ME3: variants seen among roughly 807,000 people sequenced by gnomAD.
The protein encoded by ME3 is malic enzyme 3.
In ME3, 48 loss-of-function variants were observed where a neutral mutation model predicts 68.9. The ratio of observed to expected loss-of-function variants is 0.70; its 90% CI spans 0.55 to 0.89. The LOEUF (loss-of-function observed/expected upper bound fraction) is 0.89, where lower values mean the gene tolerates loss of function less well. Among genes scored for constraint, ME3 ranks in the 40% least tolerant of loss-of-function variants. The probability of loss-of-function intolerance (pLI) is 0.00; values close to 1 mark genes in which losing one functional copy is unlikely to be tolerated. For synonymous variants in ME3, 320 were observed against 318.8 expected, an observed-to-expected ratio of 1.00 and a Z score of -0.04; for missense variants, 675 against 797.4, an observed-to-expected ratio of 0.85 and a Z score of 1.85.
At chr11:86,536,454 C>G (rs568394918) in intron 4 of ME3, among the ~76,000 whole-genome samples, 1 of 125,992 alleles carries the variant, frequency 7.9e-6, no homozygotes, top group South Asian at 3.1e-4. Context: ...AAACAAACAA[C>G]CCCATCAAAA....
In ME3 at chr11:86,643,334, T is replaced by G. The variant is rs552619441; in HGVS notation, c.183+28428A>C. Among the ~76,000 whole-genome samples the G allele has an allele frequency of 3.3e-5, 5 of 152,112 alleles. No homozygotes were observed. In the East Asian group the frequency reaches 5.8e-4, roughly 18 times the overall value. On this transcript the variant is annotated intron_variant, in intron 2 of 14. Coordinates refer to ENST00000543262, the Ensembl canonical transcript of ME3. ...GCCCCCTACCCATGACTTTCCCTCC[T>G]GCCCCATCCTTCCACACACTCTGTC...
Position 86,442,507 on chromosome 11 carries a change from C to A in ME3, c.1653+314G>T, listed in dbSNP as rs1949055160. On this transcript the variant is annotated intron_variant, in intron 14 of 14. Transcript: ENST00000543262. ...TTTTCCGTGATGCTATGCAAGCTGA[C>A]CTTTCTTATAAATGGGCGCTTATGA... Among the ~76,000 whole-genome samples the A allele has an allele frequency of 2.0e-5, 3 of 152,140 alleles. No individual in the cohort carries two copies. The South Asian group carries it at 6.2e-4, about 32-fold the overall frequency.
In ME3 at chr11:86,544,031, T is replaced by C. The variant is rs1456673565; in HGVS notation, c.467+12522A>G. ...CAAAACTGCACAACTACATGTAAAC[T>C]GAACAAACTACTCCTGAATGACTAC... On this transcript the variant is annotated intron_variant, in intron 4 of 14. Transcript: ENST00000543262. Among the ~76,000 whole-genome samples the C allele has an allele frequency of 4.7e-5, 7 of 149,562 alleles. No individual in the cohort carries two copies. The East Asian group carries it at 1.4e-3, about 29-fold the overall frequency.
intron 8 of ME3, among the ~76,000 whole-genome samples, chr11:86,461,656 C>T (rs923352971): frequency 2.0e-5 from 3 of 152,110 alleles, no homozygotes; most frequent in Non-Finnish European, 4.4e-5. Context: ...GGTGGGATGG[C>T]GAGGTGGCTC....
At chr11:86,459,440 C>T (rs1169431557) in intron 8 of ME3, among the ~76,000 whole-genome samples, 1 of 152,134 alleles carries the variant, frequency 6.6e-6, no homozygotes, top group Admixed American at 6.5e-5. Context: ...TAATAGGTAC[C>T]ATGAACTGAG....
rs201763747 is a variant in ME3 at position 86,559,806 on chromosome 11, A to C, written c.201T>G (p.Leu67=). ...GGATTCCAAGCTGCAGCCTTTCTTC[A>C]AGGGTAAAGGCCATCCCCTGGGAAA... The change falls in exon 3 of 15, where the codon CTT becomes CTG. Residue 67 remains leucine (L), a synonymous_variant. Transcript: ENST00000543262. 4 of 1,613,904 alleles carry C rather than the reference A, an allele frequency of 2.5e-6. No individual in the cohort carries two copies. The Admixed American group carries it at 6.7e-5, about 27-fold the overall frequency.
intron 2 of ME3, among the ~76,000 whole-genome samples, chr11:86,640,403 T>C (rs17149238): frequency 0.095 from 14,393 of 152,256 alleles, 701 homozygotes; most frequent in South Asian, 0.13. Flanking sequence ...AAGCTGTAGC[T>C]GCACAGGGTG....
intron 4 of ME3, among the ~76,000 whole-genome samples, chr11:86,528,629 A>G (rs1334921917): frequency 6.6e-6 from 1 of 152,150 alleles, no homozygotes; most frequent in Non-Finnish European, 1.5e-5. Context: ...CAGCAAATGT[A>G]AAAGAACAGA....
intron 4 of ME3, among the ~76,000 whole-genome samples, chr11:86,526,434 C>G (rs1954751313): frequency 6.6e-6 from 1 of 152,202 alleles, no homozygotes; most frequent in African/African-American, 2.4e-5. Context: ...TAGACTCCAC[C>G]TCTCGGGGCA....
At chr11:86,566,671 G>T (rs1427611353) in intron 2 of ME3, among the ~76,000 whole-genome samples, 1 of 152,128 alleles carries the variant, frequency 6.6e-6, no homozygotes, top group Non-Finnish European at 1.5e-5. Context: ...AGCAAGAGAG[G>T]TTACATAATG....
chr11:86,636,103 C>G (rs541646730), intron 2 of ME3, among the ~76,000 whole-genome samples: 7 of 152,202 alleles, frequency 4.6e-5, no homozygotes, highest in African/African-American at 1.7e-4. Flanking sequence ...GCTATGGAAG[C>G]CTGAAGCTTC....
intron 4 of ME3, among the ~76,000 whole-genome samples, chr11:86,544,875 A>G (rs113583417): frequency 1.3e-4 from 20 of 152,338 alleles, no homozygotes; most frequent in African/African-American, 4.8e-4. Flanking sequence ...TTTCAGGCCA[A>G]TATCCCTGAT....
intron 2 of ME3, among the ~76,000 whole-genome samples, chr11:86,587,361 G>T (rs947080448): frequency 6.6e-6 from 1 of 152,222 alleles, no homozygotes; most frequent in African/African-American, 2.4e-5. Context: ...GTCAAGGAGA[G>T]CTTTGGTTTC....
chr11:86,549,580 G>T (rs1412361000), intron 4 of ME3, among the ~76,000 whole-genome samples: 2 of 152,168 alleles, frequency 1.3e-5, no homozygotes, highest in African/African-American at 4.8e-5. Context: ...CCGGCCACAC[G>T]GGGTACACGG....
At chr11:86,603,923 A>C (rs56169211) in intron 2 of ME3, among the ~76,000 whole-genome samples, 9 of 121,322 alleles carry the variant, frequency 7.4e-5, no homozygotes, top group Non-Finnish European at 9.9e-5. Flanking sequence ...GGAAGGGGAA[A>C]ATCACACTCT....
chr11:86,626,343 G>A (rs1444330754), intron 2 of ME3, among the ~76,000 whole-genome samples: 2 of 152,158 alleles, frequency 1.3e-5, no homozygotes, highest in African/African-American at 2.4e-5. Flanking sequence ...TGGCACCCAG[G>A]GAATGCTTCT....
intron 8 of ME3, among the ~76,000 whole-genome samples, chr11:86,455,644 C>A (rs1401637823): frequency 3.9e-5 from 6 of 152,204 alleles, no homozygotes; most frequent in African/African-American, 1.4e-4. Context: ...ATTTCCCCTG[C>A]TATTCTACCT....
At chr11:86,534,079 GTGTA>G (rs1305257496) in intron 4 of ME3, among the ~76,000 whole-genome samples, 2 of 12,924 alleles carry the variant, frequency 1.5e-4, no homozygotes, top group African/African-American at 6.0e-4. Flanking sequence ...GTGTGTGTGT[GTGTA>G]TATATATATA....
At chr11:86,629,550 C>T (rs1156688582) in intron 2 of ME3, among the ~76,000 whole-genome samples, 1 of 152,162 alleles carries the variant, frequency 6.6e-6, no homozygotes, top group South Asian at 2.1e-4. Context: ...GCCTGAGACA[C>T]TGTATGAAGA....
Sources: gnomAD v4.1 joint callset for allele counts (sites outside exome capture counted in the v4.1 genomes callset) on GRCh38, gnomAD v4.1.1 for gene constraint, MANE v1.5 for transcripts, NCBI Gene and HGNC (gene_info 2026-07-23, HGNC 2026-07-21) for gene names.